The following SNRPN variants were observed in gnomAD, a reference collection of about 807,000 sequenced individuals.
SNRPN encodes small nuclear ribonucleoprotein-associated protein N.
Under a neutral mutation model 25.2 loss-of-function variants are expected in SNRPN, and 7 were observed. The ratio of observed to expected loss-of-function variants is 0.28; its 90% confidence interval spans 0.16 to 0.52. The LOEUF is 0.52. Ranked by LOEUF, SNRPN falls within the 20% of genes least tolerant of loss-of-function variation. The pLI is 0.96. For missense variants in SNRPN, 196 were observed against 322.5 expected, an observed-to-expected ratio of 0.61 and a Z score of 3.00; for synonymous variants, 124 against 110.6, an observed-to-expected ratio of 1.12 and a Z score of -0.76.
chr15:24,919,245 C>G (rs982082723), intron 2 of SNRPN, among the ~76,000 whole-genome samples: 2 of 151,338 alleles, frequency 1.3e-5, no homozygotes, highest in Non-Finnish European at 2.9e-5. Flanking sequence ...CTGGCTAACA[C>G]GGTGAAACCC....
chr15:24,858,400 A>G (rs555983960), intron 1 of SNRPN, among the ~76,000 whole-genome samples: 2 of 152,206 alleles, frequency 1.3e-5, no homozygotes, highest in Admixed American at 1.3e-4. Context: ...TTTTGCAAAG[A>G]TGGTTTCAAA....
intron 2 of SNRPN, among the ~76,000 whole-genome samples, chr15:24,897,242 C>A (rs1291824902): frequency 6.6e-6 from 1 of 152,170 alleles, no homozygotes; most frequent in African/African-American, 2.4e-5. Context: ...ATCCAGCTAA[C>A]CTGTGCCCAC....
intron 3 of SNRPN, among the ~76,000 whole-genome samples, chr15:24,973,063 T>G (rs1444971255): frequency 1.3e-5 from 2 of 152,094 alleles, no homozygotes; most frequent in Non-Finnish European, 2.9e-5. Flanking sequence ...AATGTTTGTA[T>G]TTTTAGTAGA....
At chr15:24,934,278 A>G (rs2061079838) in intron 3 of SNRPN, among the ~76,000 whole-genome samples, 1 of 152,192 alleles carries the variant, frequency 6.6e-6, no homozygotes, top group Admixed American at 6.5e-5. Context: ...AGCCTGGGCA[A>G]CAGAGTGAGA....
intron 2 of SNRPN, among the ~76,000 whole-genome samples, chr15:24,967,456 A>G (rs1033546376): frequency 2.0e-5 from 3 of 152,062 alleles, no homozygotes; most frequent in Admixed American, 1.3e-4. Flanking sequence ...CCTGGCCAAC[A>G]TGGTGAAACC....
At chr15:24,853,484 C>G (rs1160549150), upstream of SNRPN, among the ~76,000 whole-genome samples, 3 of 152,080 alleles carry the variant, frequency 2.0e-5, no homozygotes, top group East Asian at 5.8e-4. Flanking sequence ...AGCTCCGCCT[C>G]CCAGGTTCAC....
intron 2 of SNRPN, among the ~76,000 whole-genome samples, chr15:24,835,057 T>TATATATACTATATATATCTATATATAAA (rs1566807404): frequency 0.028 from 715 of 25,296 alleles, 17 homozygotes; most frequent in Non-Finnish European, 0.036. Flanking sequence ...TATATAAAAA[T>TATATATACTATATATATCTATATATAAA]ATAGATATAT....
In SNRPN at chr15:24,957,737, C is replaced by T. The variant is rs1383193860; in HGVS notation, c.-391+2675C>T. Among the ~76,000 whole-genome samples the T allele has an allele frequency of 1.3e-5, 2 of 151,836 alleles. 1 individual carries two copies. Among genetic ancestry groups the T allele is most frequent in the South Asian group, 4.2e-4 (2 of 4,814 alleles). On this transcript the variant is annotated intron_variant, in intron 1 of 9. Transcript: ENST00000390687. ...TTTTATATGATATTTATAATTTACC[C>T]TTTTTTTTCTGCTTGCATGAAGATA...
chr15:24,865,538 A>C lies in SNRPN; in HGVS notation c.-579+8822A>C, dbSNP rs2054499372. Reference sequence around the variant, plus strand: ...AGGCTGTAGCGATGGCTGTTGGAACAGAGGCTGGAGTTAGCGTCTGGCGGT... The same window carrying C: ...AGGCTGTAGCGATGGCTGTTGGAACCGAGGCTGGAGTTAGCGTCTGGCGGT... On this transcript the variant is annotated intron_variant, in intron 1 of 11. Transcript: ENST00000400097. Among the ~76,000 whole-genome samples the C allele has an allele frequency of 2.0e-5, 3 of 152,178 alleles. No individual in the cohort carries two copies. In the South Asian group the frequency reaches 6.2e-4, roughly 31 times the overall value.
exon 2 of SNRPN, chr15:24,829,847 C>T (rs2050375353): frequency 6.6e-6 from 1 of 152,050 alleles, no homozygotes; most frequent in African/African-American, 2.4e-5. Context: ...CAGCTCACCA[C>T]CACCTGATGA....
At chr15:24,867,521 C>G (rs1391151318) in intron 1 of SNRPN, among the ~76,000 whole-genome samples, 1 of 151,910 alleles carries the variant, frequency 6.6e-6, no homozygotes, top group East Asian at 1.9e-4. Flanking sequence ...ACTACAGGCG[C>G]CCGCCACCAC....
intron 2 of SNRPN, among the ~76,000 whole-genome samples, chr15:24,963,327 G>A (rs760529527): frequency 7.2e-5 from 11 of 152,146 alleles, no homozygotes; most frequent in African/African-American, 7.2e-5. Flanking sequence ...CTTTGAAAAC[G>A]CAGTGTAGGC....
At chr15:24,906,236 C>T (rs2058795763) in intron 2 of SNRPN, among the ~76,000 whole-genome samples, 1 of 152,168 alleles carries the variant, frequency 6.6e-6, no homozygotes, top group Non-Finnish European at 1.5e-5. Context: ...AAGCCATATT[C>T]CACCTCAGCC....
chr15:24,875,948 G>T (rs1015922560), intron 1 of SNRPN, among the ~76,000 whole-genome samples: 1 of 151,900 alleles, frequency 6.6e-6, no homozygotes, highest in Admixed American at 6.6e-5. Flanking sequence ...TAGCTACTCG[G>T]GAGGCTGAGG....
upstream of SNRPN, among the ~76,000 whole-genome samples, chr15:24,954,529 T>A (rs2062532632): frequency 6.6e-6 from 1 of 151,822 alleles, no homozygotes; most frequent in Non-Finnish European, 1.5e-5. Context: ...GCTTTTAGAG[T>A]TAGGGATATT....
upstream of SNRPN, among the ~76,000 whole-genome samples, chr15:24,953,717 T>G (rs1415270843): frequency 6.6e-6 from 1 of 152,222 alleles, no homozygotes; most frequent in African/African-American, 2.4e-5. Flanking sequence ...ATTGCAATGT[T>G]TTTGTAGGTC....
intron 1 of SNRPN, among the ~76,000 whole-genome samples, chr15:24,958,520 T>C (rs430743): frequency 8.3e-6 from 1 of 120,714 alleles, no homozygotes; most frequent in Admixed American, 9.7e-5. Context: ...TTTTTTTTTT[T>C]AAATAGACCA....
At chr15:24,828,488 T>C (rs1239999285) in intron 1 of SNRPN, among the ~76,000 whole-genome samples, 1 of 151,880 alleles carries the variant, frequency 6.6e-6, no homozygotes, top group Non-Finnish European at 1.5e-5. Flanking sequence ...CGGAGCTTGC[T>C]GTGAGCTGAG....
At chr15:24,918,200 A>C (rs2059653940) in intron 2 of SNRPN, among the ~76,000 whole-genome samples, 1 of 151,458 alleles carries the variant, frequency 6.6e-6, no homozygotes, top group African/African-American at 2.4e-5. Flanking sequence ...CTATCAAAAT[A>C]TCTCTAATGG....
Sources: gnomAD v4.1 joint callset for allele counts (sites outside exome capture counted in the v4.1 genomes callset) on GRCh38, gnomAD v4.1.1 for gene constraint, MANE v1.5 for transcripts, NCBI Gene and HGNC (gene_info 2026-07-23, HGNC 2026-07-21) for gene names.